SLCO1A2: variants seen among roughly 807,000 people sequenced by gnomAD.
SLCO1A2 encodes the protein solute carrier organic anion transporter family member 1A2.
SLCO1A2 carries 67 observed loss-of-function variants against 69.0 expected under a neutral mutation model. The ratio of observed to expected loss-of-function variants is 0.97; its 90% confidence interval spans 0.80 to 1.19. The LOEUF (loss-of-function observed/expected upper bound fraction) is 1.19. Among genes scored for constraint, SLCO1A2 ranks in the 50% most tolerant of loss-of-function variants. SLCO1A2 has a pLI of 0.00. For missense variants in SLCO1A2, 787 were observed against 793.7 expected, an observed-to-expected ratio of 0.99 and a Z score of 0.10; for synonymous variants, 260 against 265.9, an observed-to-expected ratio of 0.98 and a Z score of 0.22.
intron 12 of SLCO1A2, among the ~76,000 whole-genome samples, chr12:21,276,132 A>C (rs2136113027): frequency 6.6e-6 from 1 of 152,344 alleles, no homozygotes; most frequent in Non-Finnish European, 1.5e-5. Flanking sequence ...TAGAAGTCTC[A>C]GATGTGTAAG....
chr12:21,288,872 T>C (rs1291522071), intron 12 of SLCO1A2, among the ~76,000 whole-genome samples: 1 of 151,578 alleles, frequency 6.6e-6, no homozygotes, highest in Non-Finnish European at 1.5e-5. Context: ...TTTTTACTTC[T>C]GATTTATTTT....
At chr12:21,285,229 C>T (rs1301632053) in intron 12 of SLCO1A2, among the ~76,000 whole-genome samples, 1 of 151,998 alleles carries the variant, frequency 6.6e-6, no homozygotes, top group African/African-American at 2.4e-5. Flanking sequence ...CTACAAACAC[C>T]TCTACACAAA....
intron 2 of SLCO1A2, among the ~76,000 whole-genome samples, chr12:21,360,186 G>T (rs1938717908): frequency 1.3e-5 from 2 of 152,126 alleles, no homozygotes; most frequent in Admixed American, 1.3e-4. Context: ...ACTAAAAAAG[G>T]TTACAAGACA....
chr12:21,393,166 A>AAT (rs899110940), intron 1 of SLCO1A2, among the ~76,000 whole-genome samples: 12 of 152,066 alleles, frequency 7.9e-5, no homozygotes, highest in South Asian at 4.2e-4. Flanking sequence ...TTAAAATCAG[A>AAT]ATATATATAT....
upstream of SLCO1A2, among the ~76,000 whole-genome samples, chr12:21,336,191 G>A (rs571848023): frequency 7.9e-5 from 12 of 152,004 alleles, no homozygotes; most frequent in East Asian, 1.7e-3. Context: ...TATAGTCACC[G>A]TATCAAACAC....
At chr12:21,275,995 C>T (rs751737371) in intron 12 of SLCO1A2, among the ~76,000 whole-genome samples, 4 of 151,838 alleles carry the variant, frequency 2.6e-5, no homozygotes, top group Admixed American at 1.3e-4. Flanking sequence ...TAAAAATCTG[C>T]AGTAAGAATA....
intron 2 of SLCO1A2, among the ~76,000 whole-genome samples, chr12:21,343,557 A>G (rs1037517007): frequency 2.0e-5 from 3 of 152,074 alleles, no homozygotes; most frequent in African/African-American, 7.2e-5. Flanking sequence ...TCTTCCATTC[A>G]TCAAGATTGA....
At chr12:21,309,275 AG>A (rs1315670471) in intron 4 of SLCO1A2, among the ~76,000 whole-genome samples, 1 of 152,210 alleles carries the variant, frequency 6.6e-6, no homozygotes, top group African/African-American at 2.4e-5. Context: ...TTATGAAAGA[AG>A]GTATAGGGGA....
At chr12:21,286,063 C>T (rs1945727131) in intron 12 of SLCO1A2, among the ~76,000 whole-genome samples, 1 of 151,642 alleles carries the variant, frequency 6.6e-6, no homozygotes, top group Non-Finnish European at 1.5e-5. Context: ...AAGAGGAAGT[C>T]AAATTGTCCC....
At chr12:21,287,492 C>T (rs1418426791) in intron 12 of SLCO1A2, among the ~76,000 whole-genome samples, 3 of 140,060 alleles carry the variant, frequency 2.1e-5, no homozygotes, top group South Asian at 4.8e-4. Flanking sequence ...ACCATTTGAC[C>T]CAGCCATCCC....
At chr12:21,295,916 G>A (rs1947645839) in intron 9 of SLCO1A2, 124 bp from the exon 10 acceptor site, 1 of 594,538 alleles carries the variant, frequency 1.7e-6, no homozygotes. Context: ...GAAGAAGAAT[G>A]ATTTAATTTT....
At chr12:21,408,710 A>ATGCG (rs747137521) in intron 1 of SLCO1A2, among the ~76,000 whole-genome samples, 11 of 106,482 alleles carry the variant, frequency 1.0e-4, no homozygotes, top group Non-Finnish European at 2.3e-4. Flanking sequence ...GCCTCAGCGC[A>ATGCG]TGCGTGTGTG....
chr12:21,279,969 T>G (rs1374793420), intron 12 of SLCO1A2, among the ~76,000 whole-genome samples: 1 of 111,610 alleles, frequency 9.0e-6, no homozygotes, highest in Non-Finnish European at 2.0e-5. Context: ...AATGTAGAGT[T>G]TTTTTTTTAG....
upstream of SLCO1A2, among the ~76,000 whole-genome samples, chr12:21,337,146 T>C (rs940541076): frequency 6.6e-6 from 1 of 152,056 alleles, no homozygotes. Context: ...GTTAACTATA[T>C]ACACATTGTT....
intron 12 of SLCO1A2, among the ~76,000 whole-genome samples, chr12:21,288,110 G>A (rs976522369): frequency 3.3e-5 from 5 of 151,230 alleles, no homozygotes; most frequent in Non-Finnish European, 7.4e-5. Context: ...GGCACCAAAA[G>A]ACAAACTTTG....
At chr12:21,344,048 C>T (rs186163427) in intron 2 of SLCO1A2, among the ~76,000 whole-genome samples, 10 of 152,040 alleles carry the variant, frequency 6.6e-5, no homozygotes, top group Non-Finnish European at 1.3e-4. Flanking sequence ...TACTGATGAG[C>T]GGTAAAAACT....
chr12:21,317,369 T>A (rs1565494875), intron 3 of SLCO1A2, among the ~76,000 whole-genome samples: 1 of 152,210 alleles, frequency 6.6e-6, no homozygotes, highest in Non-Finnish European at 1.5e-5. Context: ...TTGCACTGCA[T>A]CCTTCTTAGG....
Position 21,306,975 on chromosome 12 carries a change from A to G in SLCO1A2, c.349T>C (p.Ser117Pro). 6.2e-7 allele frequency: 1 copy of G among 1,607,516 alleles called. No homozygotes were observed. The highest frequency in any genetic ancestry group is 1.1e-5 in the South Asian group (1 of 90,928). Reference protein sequence around the residue: ...HFLMNQYEYESTVSVSGNLSS... With the variant: ...HFLMNQYEYEPTVSVSGNLSS... The stretch of plus-strand genomic sequence containing the variant: ...AAGTTGCCTGAAACTGAAACTGTAG[A>G]TTCATATTCATATCTGTATAAACAC... The change falls in exon 5 of 15, where the codon TCT (serine) becomes CCT (proline). Residue 117 changes from serine to proline, a missense_variant. By Grantham distance (74) the Ser-to-Pro change is moderately conservative (BLOSUM62 -1). Transcript: ENST00000683939.
upstream of SLCO1A2, among the ~76,000 whole-genome samples, chr12:21,335,890 T>C (rs1043380554): frequency 6.6e-6 from 1 of 152,154 alleles, no homozygotes; most frequent in African/African-American, 2.4e-5. Flanking sequence ...GCCAAGTACG[T>C]GCCTACAGAG....
Sources: gnomAD v4.1 joint callset for allele counts (sites outside exome capture counted in the v4.1 genomes callset) on GRCh38, gnomAD v4.1.1 for gene constraint, MANE v1.5 for transcripts, NCBI Gene and HGNC (gene_info 2026-07-23, HGNC 2026-07-21) for gene names.